Variants in CUL1 observed in about 807,000 individuals in gnomAD.
The protein encoded by CUL1 is cullin 1.
CUL1 carries 24 observed loss-of-function variants against 118.0 expected under a neutral mutation model. That is an observed-to-expected ratio of 0.20 (90% CI 0.15 to 0.29). The LOEUF is 0.29. CUL1 is among the 10% of genes least tolerant of loss of function. The probability of loss-of-function intolerance (pLI) is 1.00; values close to 1 mark genes in which losing one functional copy is unlikely to be tolerated. For missense variants in CUL1, 361 were observed against 933.8 expected (o/e 0.39, Z 7.99); for synonymous variants, 332 against 340.4 (o/e 0.98, Z 0.27).
At chr7:148,774,226 C>T (rs762882771) in intron 9 of CUL1, among the ~76,000 whole-genome samples, 21 of 152,084 alleles carry the variant, frequency 1.4e-4, no homozygotes, top group Non-Finnish European at 2.1e-4. Context: ...AGACAGCCAG[C>T]GCCGTGGGGT....
intron 7 of CUL1, among the ~76,000 whole-genome samples, chr7:148,762,000 C>G (rs555225231): frequency 6.6e-6 from 1 of 152,156 alleles, no homozygotes; most frequent in Non-Finnish European, 1.5e-5. Context: ...GGAGGCGGAG[C>G]TCAGGTAGTA....
chr7:148,742,333 C>T (rs922129870), intron 2 of CUL1, among the ~76,000 whole-genome samples: 3 of 152,156 alleles, frequency 2.0e-5, no homozygotes, highest in Non-Finnish European at 4.4e-5. Context: ...GAAGCAAAGT[C>T]ATGTCTTACA....
chr7:148,746,087 CTG>C (rs1364846299), intron 2 of CUL1, among the ~76,000 whole-genome samples: 1 of 151,448 alleles, frequency 6.6e-6, no homozygotes, highest in Non-Finnish European at 1.5e-5. Context: ...GGCCCCTTGC[CTG>C]TGTGTGTGTG....
chr7:148,718,164 A>G (rs1027898828), intron 1 of CUL1, among the ~76,000 whole-genome samples: 2 of 152,262 alleles, frequency 1.3e-5, no homozygotes, highest in African/African-American at 4.8e-5. Context: ...AATTTGAACC[A>G]TAAGATTTAC....
Position 148,725,219 on chromosome 7 carries a change from G to GCGCACGCGCACACACACACA in CUL1, c.-161-4742_-161-4741insGCACGCGCACACACACACAC. Among the ~76,000 whole-genome samples, 10 of 140,060 alleles carry GCGCACGCGCACACACACACA rather than the reference G, an allele frequency of 7.1e-5. 1 individual carries two copies. Among genetic ancestry groups the GCGCACGCGCACACACACACA allele is most frequent in the African/African-American group, 2.8e-4 (10 of 35,328 alleles). The allele number at this position is 140,060 out of a possible 152,430, so 91.9% of individuals were successfully genotyped here. A position where few individuals can be genotyped will look rare whatever the true frequency, so the allele number is the denominator to read the frequency against. ...CGTGTACACACACACACACGCGCGCGCTCACACACACACACACACACACAC... is the reference window on the plus strand; with the variant it reads ...CGTGTACACACACACACACGCGCGCGCGCACGCGCACACACACACACTCACACACACACACACACACACAC... On this transcript the variant is annotated intron_variant, in intron 1 of 21. Coordinates refer to ENST00000325222, the MANE Select transcript of CUL1 (RefSeq NM_003592.3).
intron 20 of CUL1, 128 bp downstream of exon 20, chr7:148,798,805 A>T (rs1801293733): frequency 7.7e-6 from 6 of 778,370 alleles, no homozygotes; most frequent in South Asian, 7.5e-5. Context: ...CTGTGATGGC[A>T]GAAGGTGGCA....
intron 20 of CUL1, 24 bp downstream of exon 20, chr7:148,798,701 C>G: frequency 6.3e-7 from 1 of 1,589,668 alleles, no homozygotes; most frequent in Non-Finnish European, 8.6e-7. Context: ...ATGCCTGTGC[C>G]AGGTGTGCTG....
intron 1 of CUL1, among the ~76,000 whole-genome samples, chr7:148,722,594 C>T (rs555216129): frequency 6.6e-6 from 1 of 152,230 alleles, no homozygotes; most frequent in Admixed American, 6.5e-5. Flanking sequence ...TCTGGAGTTC[C>T]TCTCTGCACT....
At chr7:148,743,065 T>C (rs375299128) in intron 2 of CUL1, among the ~76,000 whole-genome samples, 84 of 152,402 alleles carry the variant, frequency 5.5e-4, no homozygotes, top group African/African-American at 1.9e-3. Flanking sequence ...TTTAGAAATA[T>C]TGGATTTTCC....
At chr7:148,745,408 G>A (rs1462636974) in intron 2 of CUL1, among the ~76,000 whole-genome samples, 1 of 152,072 alleles carries the variant, frequency 6.6e-6, no homozygotes, top group Admixed American at 6.6e-5. Context: ...CAACCATGTT[G>A]GGCTGTGCCA....
Position 148,759,374 on chromosome 7 carries a change from T to A in CUL1, c.534+20T>A, listed in dbSNP as rs890142768. 1 of 1,613,058 alleles carries A rather than the reference T, an allele frequency of 6.2e-7. No homozygotes were observed. Among genetic ancestry groups the A allele is most frequent in the African/African-American group, 1.3e-5 (1 of 74,902 alleles). On this transcript the variant is annotated intron_variant, in intron 5 of 21. Transcript: ENST00000325222. The stretch of plus-strand genomic sequence containing the variant: ...AAACAGGTACCTACTGGTGTGAGCG[T>A]GTGCATGTTCCTTTTAAAATCCCTT...
intron 12 of CUL1, 127 bp downstream of exon 12, chr7:148,786,726 T>C: frequency 1.1e-6 from 1 of 882,620 alleles, no homozygotes. Flanking sequence ...GAATCTCTGG[T>C]TTTACTTCCT....
At position 148,707,163 on chromosome 7, in the gene CUL1, G is replaced by A. The variant is rs1005744492; in HGVS notation, c.-162+8134G>A. Reference sequence around the variant, plus strand: ...AACACATACTGATTTTAAAATCATCGAATGTGGAAAATTAGGTCTTTACAG... The same window carrying A: ...AACACATACTGATTTTAAAATCATCAAATGTGGAAAATTAGGTCTTTACAG... On this transcript the variant is annotated intron_variant, in intron 1 of 21. Transcript: ENST00000325222. Among the ~76,000 whole-genome samples the A allele has an allele frequency of 1.2e-4, 19 of 152,162 alleles. No individual in the cohort carries two copies. In the East Asian group the frequency reaches 3.5e-3, roughly 28 times the overall value.
intron 1 of CUL1, among the ~76,000 whole-genome samples, chr7:148,724,380 CTGT>C (rs1228520792): frequency 6.6e-6 from 1 of 152,110 alleles, no homozygotes; most frequent in Non-Finnish European, 1.5e-5. Context: ...TTTATTTTGA[CTGT>C]TGTGTTCCAT....
chr7:148,717,610 A>G lies in CUL1; in HGVS notation c.-161-12352A>G, dbSNP rs113177389. Among the ~76,000 whole-genome samples the G allele has an allele frequency of 1.1e-4, 17 of 150,092 alleles. 1 individual carries two copies. The highest frequency in any genetic ancestry group is 4.2e-4 in the African/African-American group (17 of 40,738). On this transcript the variant is annotated intron_variant, in intron 1 of 21. Coordinates refer to ENST00000325222, the MANE Select transcript of CUL1 (RefSeq NM_003592.3). ...CTCCGAAACCTTCCATAACTCTGTCACCCTCACAGAATAAAGACCTTGCAT... is the reference window on the plus strand; with the variant it reads ...CTCCGAAACCTTCCATAACTCTGTCGCCCTCACAGAATAAAGACCTTGCAT...
rs376260518 is a variant in CUL1 at position 148,786,607 on chromosome 7, C to G, written c.1347+8C>G. On this transcript the variant is annotated splice_region_variant and intron_variant, in intron 12 of 21. Coordinates refer to ENST00000325222, the MANE Select transcript of CUL1 (RefSeq NM_003592.3). ...GACACACTCAATCAAGTGGTAAGTG[C>G]TTCATGAGCATACCCATTTCCAGTA... The G allele has an allele frequency of 3.8e-5, 62 of 1,611,818 alleles. No individual in the cohort carries two copies. Among genetic ancestry groups the G allele is most frequent in the Non-Finnish European group, 5.2e-5 (61 of 1,178,434 alleles).
intron 2 of CUL1, among the ~76,000 whole-genome samples, chr7:148,731,149 G>C (rs1435286893): frequency 6.6e-6 from 1 of 152,192 alleles, no homozygotes; most frequent in East Asian, 1.9e-4. Context: ...GAAAAGATGC[G>C]GCTCCCACTA....
intron 9 of CUL1, among the ~76,000 whole-genome samples, chr7:148,782,944 C>T (rs975031379): frequency 5.3e-5 from 8 of 151,956 alleles, no homozygotes; most frequent in Non-Finnish European, 1.2e-4. Flanking sequence ...AAGCCTGTGC[C>T]TGCCACCATT....
intron 2 of CUL1, among the ~76,000 whole-genome samples, chr7:148,737,413 C>A (rs936113839): frequency 2.0e-5 from 3 of 151,736 alleles, no homozygotes; most frequent in African/African-American, 7.3e-5. Context: ...CAGAAATGCA[C>A]GTACCCACAG....
Sources: gnomAD v4.1 joint callset for allele counts (sites outside exome capture counted in the v4.1 genomes callset) on GRCh38, gnomAD v4.1.1 for gene constraint, MANE v1.5 for transcripts, NCBI Gene and HGNC (gene_info 2026-07-23, HGNC 2026-07-21) for gene names.